The following PIK3C2G variants were observed in gnomAD, a reference collection of about 807,000 sequenced individuals.
PIK3C2G encodes the protein phosphatidylinositol 3-kinase C2 domain-containing subunit gamma.
In PIK3C2G, 168 loss-of-function variants were observed where a neutral mutation model predicts 181.1. That is an observed-to-expected ratio of 0.93 (90% CI 0.82 to 1.05). The LOEUF (loss-of-function observed/expected upper bound fraction) is 1.05, where lower values mean the gene tolerates loss of function less well. Ranked by LOEUF, PIK3C2G falls within the 50% of genes least tolerant of loss-of-function variation. The pLI is 0.00. For missense variants in PIK3C2G, 1,869 were observed against 1,732.8 expected (o/e 1.08, Z -1.40); for synonymous variants, 573 against 592.2 (o/e 0.97, Z 0.47).
the PIK3C2G span, among the ~76,000 whole-genome samples, chr12:18,697,992 G>A: frequency 6.6e-6 from 1 of 151,704 alleles, no homozygotes; most frequent in South Asian, 2.1e-4. Context: ...ATTTTTGCAA[G>A]TATTTAATAT....
intron 31 of PIK3C2G, among the ~76,000 whole-genome samples, chr12:18,636,562 G>C (rs1274114147): frequency 1.3e-5 from 2 of 152,152 alleles, no homozygotes; most frequent in African/African-American, 4.8e-5. Context: ...GATAAAAATA[G>C]CATTTGCCAG....
At chr12:18,723,464 C>T in the PIK3C2G span, 1 of 1,613,002 alleles carries the variant, frequency 6.2e-7, no homozygotes. Flanking sequence ...TCAATAATTT[C>T]TTCTCTGTGC....
intron 20 of PIK3C2G, chr12:18,493,770 G>A (rs916148610): frequency 6.6e-6 from 1 of 152,222 alleles, no homozygotes; most frequent in Non-Finnish European, 1.5e-5. Flanking sequence ...ACTCAGGTAT[G>A]GCTCAATTCG....
upstream of PIK3C2G, among the ~76,000 whole-genome samples, chr12:18,257,800 AAAG>A (rs1273703504): frequency 1.5e-4 from 22 of 149,986 alleles, no homozygotes; most frequent in African/African-American, 2.2e-4. Context: ...GAAAGAAAGA[AAAG>A]AAAGAAAGAA....
chr12:18,685,735 C>T, the PIK3C2G span: 5 of 470,206 alleles, frequency 1.1e-5, no homozygotes, highest in South Asian at 6.2e-5. Context: ...AAAACATCTG[C>T]AGAAATGTTT....
chr12:18,532,718 C>T (rs1353317627), intron 24 of PIK3C2G, among the ~76,000 whole-genome samples: 1 of 152,118 alleles, frequency 6.6e-6, no homozygotes, highest in Non-Finnish European at 1.5e-5. Context: ...ACTGAACTGT[C>T]TCTGACAGTA....
chr12:18,266,309 T>C lies in PIK3C2G; in HGVS notation c.-79+4732T>C, dbSNP rs1014421579. Among the ~76,000 whole-genome samples, 6 of 152,110 alleles carry C rather than the reference T, an allele frequency of 3.9e-5. 1 individual carries two copies. The highest frequency in any genetic ancestry group is 1.4e-4 in the African/African-American group (6 of 41,442). On this transcript the variant is annotated intron_variant, in intron 1 of 32. Transcript: ENST00000538779. ...AACTCTATATATACAAACAAATATATATGAACTTTTAAAAAAGCATTGATA... is the reference window on the plus strand; with the variant it reads ...AACTCTATATATACAAACAAATATACATGAACTTTTAAAAAAGCATTGATA...
At chr12:18,584,204 T>C (rs1402533037) in intron 29 of PIK3C2G, among the ~76,000 whole-genome samples, 2 of 151,832 alleles carry the variant, frequency 1.3e-5, no homozygotes, top group African/African-American at 4.8e-5. Context: ...ATTTTTTTTT[T>C]TTGTATTTTT....
At chr12:18,569,216 C>T (rs1945797217) in intron 29 of PIK3C2G, among the ~76,000 whole-genome samples, 1 of 152,062 alleles carries the variant, frequency 6.6e-6, no homozygotes, top group South Asian at 2.1e-4. Flanking sequence ...ATCTTTCAAG[C>T]TGACCTACCC....
At chr12:18,708,344 T>G in the PIK3C2G span, among the ~76,000 whole-genome samples, 3 of 152,018 alleles carry the variant, frequency 2.0e-5, no homozygotes, top group African/African-American at 7.2e-5. Flanking sequence ...AATGGAAAGA[T>G]CTCATTCTTT....
At chr12:18,273,831 G>A (rs1275890154) in intron 1 of PIK3C2G, among the ~76,000 whole-genome samples, 1 of 152,088 alleles carries the variant, frequency 6.6e-6, no homozygotes, top group Non-Finnish European at 1.5e-5. Flanking sequence ...AATAGCTTCT[G>A]CAGAGCAAAA....
intron 26 of PIK3C2G, among the ~76,000 whole-genome samples, chr12:18,549,167 G>A (rs370640353): frequency 4.6e-5 from 7 of 151,940 alleles, no homozygotes; most frequent in South Asian, 2.1e-4. Flanking sequence ...TAATTCTCTC[G>A]AACATGCCGT....
intron 18 of PIK3C2G, among the ~76,000 whole-genome samples, chr12:18,456,096 G>A (rs1947611629): frequency 6.6e-6 from 1 of 152,158 alleles, no homozygotes; most frequent in African/African-American, 2.4e-5. Context: ...CTCAAGAAGA[G>A]CTCAGCAAAG....
intron 31 of PIK3C2G, among the ~76,000 whole-genome samples, chr12:18,615,000 C>G (rs1207145184): frequency 6.6e-6 from 1 of 151,974 alleles, no homozygotes; most frequent in Non-Finnish European, 1.5e-5. Flanking sequence ...TTTTAGGGAA[C>G]AGGTGCTTTT....
chr12:18,431,865 A>G (rs1024910766), intron 18 of PIK3C2G, among the ~76,000 whole-genome samples: 1 of 152,178 alleles, frequency 6.6e-6, no homozygotes, highest in Non-Finnish European at 1.5e-5. Context: ...GTCCTCAGAA[A>G]TGTATACACA....
chr12:18,562,093 A>G, intron 26 of PIK3C2G, among the ~76,000 whole-genome samples: 1 of 152,168 alleles, frequency 6.6e-6, no homozygotes, highest in East Asian at 1.9e-4. Context: ...CTGGAATTAA[A>G]TTTTTTAAAA....
chr12:18,330,632 G>T (rs933460098), intron 8 of PIK3C2G, among the ~76,000 whole-genome samples: 7 of 152,062 alleles, frequency 4.6e-5, no homozygotes, highest in Non-Finnish European at 1.0e-4. Context: ...TATTTTTAAA[G>T]TTGAACTATA....
intron 18 of PIK3C2G, among the ~76,000 whole-genome samples, chr12:18,440,265 A>G (rs1290149524): frequency 6.6e-6 from 1 of 150,786 alleles, no homozygotes; most frequent in African/African-American, 2.4e-5. Context: ...TTGTTCACCA[A>G]AAAAAAAATA....
rs1463775245 is a variant in PIK3C2G, at chr12:18,408,044, G to A, written c.2315+8197G>A. Among the ~76,000 whole-genome samples the A allele has an allele frequency of 7.2e-5, 11 of 152,132 alleles. 1 individual carries two copies. Among genetic ancestry groups the A allele is most frequent in the Admixed American group, 7.2e-4 (11 of 15,272 alleles). ...TCTAAGTAACAGAATATTTTGAACA[G>A]ATTTGCATCTCTTAAAGATCACTCT... On this transcript the variant is annotated intron_variant, in intron 16 of 32. Coordinates refer to ENST00000538779, the MANE Select transcript of PIK3C2G (RefSeq NM_001288772.2).
Sources: allele counts gnomAD v4.1 joint callset (sites outside exome capture counted in the v4.1 genomes callset), GRCh38; gene constraint gnomAD v4.1.1; transcripts MANE v1.5; gene names NCBI Gene and HGNC (gene_info 2026-07-23, HGNC 2026-07-21).